MACROH2A2: variants seen among roughly 807,000 people sequenced by gnomAD.
MACROH2A2 encodes core histone macro-H2A.2.
In MACROH2A2, 6 loss-of-function variants were observed where a neutral mutation model predicts 37.6. The ratio of observed to expected loss-of-function variants is 0.16; its 90% CI spans 0.09 to 0.32. The LOEUF (loss-of-function observed/expected upper bound fraction) is 0.32. Among genes scored for constraint, MACROH2A2 ranks in the 10% least tolerant of loss-of-function variants. The probability of loss-of-function intolerance (pLI) is 1.00; values close to 1 mark genes in which losing one functional copy is unlikely to be tolerated. For missense variants in MACROH2A2, 290 were observed against 485.9 expected (o/e 0.60, Z 3.79); for synonymous variants, 192 against 202.7 (o/e 0.95, Z 0.45).
Position 70,111,893 on chromosome 10 carries a change from A to G in MACROH2A2, c.*210A>G. 5.1e-6 allele frequency: 2 copies of G among 391,662 alleles called. No individual in the cohort carries two copies. Among genetic ancestry groups the G allele is most frequent in the East Asian group, 7.5e-5 (2 of 26,708 alleles). The allele number at this position is 391,662 out of a possible 1,614,324, so 24.3% of individuals were successfully genotyped here. On this transcript the variant is annotated 3_prime_UTR_variant, in exon 9 of 9. Transcript: ENST00000373255. ...AGGTCTCCGCGAGGGGTTTCTTTCC[A>G]TGTGTTTTCCTCCTGTTGTTTTAGA... is the stretch of plus-strand genomic sequence containing the variant.
At chr10:70,070,876 G>A (rs1372741565) in intron 1 of MACROH2A2, among the ~76,000 whole-genome samples, 2 of 152,170 alleles carry the variant, frequency 1.3e-5, no homozygotes, top group Non-Finnish European at 2.9e-5. Flanking sequence ...AGGGCAGTTT[G>A]TGACTTCTCT....
chr10:70,091,829 C>T lies in MACROH2A2; in HGVS notation c.352C>T (p.Arg118Ter). The T allele has an allele frequency of 5.0e-6, 8 of 1,613,998 alleles. No homozygotes were observed. Among genetic ancestry groups the T allele is most frequent in the Non-Finnish European group, 6.8e-6 (8 of 1,179,950 alleles). The change falls in exon 4 of 9, where the codon CGA becomes TGA. Residue 118 changes from arginine to a stop codon, truncating the protein, a stop_gained. Transcript: ENST00000373255. LOFTEE classifies it high-confidence loss of function. ...TCACCCCGAACTGCTGGCCAAAAAG[C>T]GAGGGACCAAAGGCAAGTCGGAAAC... Reference protein sequence around the residue: ...RIHPELLAKKRGTKGKSETIL... With the variant: ...RIHPELLAKK
At chr10:70,094,297 G>C (rs1346489447) in intron 5 of MACROH2A2, among the ~76,000 whole-genome samples, 1 of 152,176 alleles carries the variant, frequency 6.6e-6, no homozygotes, top group Non-Finnish European at 1.5e-5. Flanking sequence ...TGAATTATTT[G>C]CCAATAATTC....
rs550582562 is a variant in MACROH2A2, at chr10:70,093,462, G to C, written c.478-273G>C. 2.0e-5 allele frequency among the ~76,000 whole-genome samples: 3 copies of C among 152,350 alleles called. No individual in the cohort carries two copies. In the Middle Eastern group the frequency reaches 0.01, roughly 518 times the overall value. On this transcript the variant is annotated intron_variant, in intron 4 of 8. Coordinates refer to ENST00000373255, the MANE Select transcript of MACROH2A2 (RefSeq NM_018649.3). ...CGTCGTGAGCTGCAGGCATTGAAAT[G>C]AGCAAGGACAATGTGCTGGTGCACA... is the stretch of plus-strand genomic sequence containing the variant.
At chr10:70,109,328 A>T (rs1041970743) in intron 8 of MACROH2A2, 121 bp downstream of exon 8, 9 of 805,618 alleles carry the variant, frequency 1.1e-5, no homozygotes, top group Non-Finnish European at 1.8e-5. Context: ...TATGCTGACC[A>T]GATGACAGGG....
At chr10:70,078,728 G>T (rs1380743322) in intron 2 of MACROH2A2, among the ~76,000 whole-genome samples, 1 of 152,192 alleles carries the variant, frequency 6.6e-6, no homozygotes, top group Non-Finnish European at 1.5e-5. Flanking sequence ...TTCCATTAAG[G>T]TGTTGTATTT....
At chr10:70,080,644 G>C (rs2136628831) in intron 2 of MACROH2A2, among the ~76,000 whole-genome samples, 1 of 151,916 alleles carries the variant, frequency 6.6e-6, no homozygotes, top group African/African-American at 2.4e-5. Flanking sequence ...CACTTTGGGA[G>C]ATCAAGGCGA....
At chr10:70,105,013 G>C (rs1225762542) in intron 7 of MACROH2A2, among the ~76,000 whole-genome samples, 2 of 152,256 alleles carry the variant, frequency 1.3e-5, no homozygotes, top group African/African-American at 4.8e-5. Context: ...TTCAGGTGCA[G>C]AGTCAGTGAG....
intron 4 of MACROH2A2, 50 bp from the exon 5 acceptor site, chr10:70,093,685 A>T: frequency 1.0e-6 from 1 of 997,858 alleles, no homozygotes; most frequent in South Asian, 1.3e-5. Flanking sequence ...AAGGCACCTC[A>T]GGCTTTTTCT....
intron 1 of MACROH2A2, among the ~76,000 whole-genome samples, chr10:70,064,267 G>T (rs1175958179): frequency 6.6e-6 from 1 of 152,170 alleles, no homozygotes; most frequent in Non-Finnish European, 1.5e-5. Flanking sequence ...TACTCAGGAA[G>T]CTGAGGCAGG....
chr10:70,098,452 G>A (rs117198510), intron 6 of MACROH2A2: 3 of 152,060 alleles, frequency 2.0e-5, no homozygotes, highest in Non-Finnish European at 2.9e-5. Context: ...ATTTGATTTC[G>A]GATCCAAATC....
intron 7 of MACROH2A2, 92 bp downstream of exon 7, chr10:70,100,389 T>G (rs916162033): frequency 1.5e-6 from 1 of 684,880 alleles, no homozygotes; most frequent in Non-Finnish European, 2.6e-6. Context: ...ATTCAGCTTA[T>G]GAGTCAAAGT....
chr10:70,090,183 G>C lies in MACROH2A2; in HGVS notation c.279+17G>C, dbSNP rs1312871707. The C allele has an allele frequency of 2.0e-6, 3 of 1,530,832 alleles. No homozygotes were observed. Among genetic ancestry groups the C allele is most frequent in the Non-Finnish European group, 2.7e-6 (3 of 1,104,130 alleles). 94.8% of individuals were successfully genotyped at this position (1,530,832 alleles called of 1,614,324 possible). On this transcript the variant is annotated intron_variant, in intron 3 of 8. Coordinates refer to ENST00000373255, the MANE Select transcript of MACROH2A2 (RefSeq NM_018649.3). ...CTCAACCAGGTATGTCTGAAGCCTTGAGGGAAGCCGTAGAATGGGTTTGCC... is the reference window on the plus strand; with the variant it reads ...CTCAACCAGGTATGTCTGAAGCCTTCAGGGAAGCCGTAGAATGGGTTTGCC...
In MACROH2A2 at chr10:70,091,784, G is replaced by A; in HGVS notation, c.307G>A (p.Gly103Arg). ...GCTAAAAGGAGTGACCATCGCCAGTGGAGGCGTCCTGCCCAGAATTCACCC... is the reference window on the plus strand; with the variant it reads ...GCTAAAAGGAGTGACCATCGCCAGTAGAGGCGTCCTGCCCAGAATTCACCC... ...QLLKGVTIASGGVLPRIHPEL... is the reference protein window; with the variant it reads ...QLLKGVTIASRGVLPRIHPEL... The change falls in exon 4 of 9, where the codon GGA becomes AGA. Residue 103 changes from glycine to arginine, a missense_variant. Physicochemically the swap from Gly to Arg is moderately radical, Grantham distance 125. Around this residue, in one of 3 missense-constraint regions of MACROH2A2, gnomAD observed 83 missense variants for 159.9 expected, o/e 0.52. Transcript: ENST00000373255. 1.2e-6 allele frequency: 2 copies of A among 1,613,962 alleles called. No homozygotes were observed. The highest frequency in any genetic ancestry group is 1.3e-5 in the African/African-American group (1 of 74,986).
chr10:70,106,139 G>GGTGCTTT (rs2072336341), intron 7 of MACROH2A2, among the ~76,000 whole-genome samples: 1 of 152,220 alleles, frequency 6.6e-6, no homozygotes, highest in Non-Finnish European at 1.5e-5. Flanking sequence ...CCCTTTTGCT[G>GGTGCTTT]TGGTGACTCC....
At chr10:70,076,468 A>G (rs1179337332) in intron 2 of MACROH2A2, among the ~76,000 whole-genome samples, 5 of 152,098 alleles carry the variant, frequency 3.3e-5, no homozygotes, top group Admixed American at 3.3e-4. Context: ...TGTGTTCTTT[A>G]TCTTAGTAAC....
intron 8 of MACROH2A2, among the ~76,000 whole-genome samples, chr10:70,111,191 C>T (rs1589843173): frequency 1.3e-5 from 2 of 152,158 alleles, no homozygotes; most frequent in Admixed American, 1.3e-4. Flanking sequence ...ATCGCTTGAA[C>T]CCGGGAGGTG....
At chr10:70,087,923 C>G (rs576887784) in intron 2 of MACROH2A2, among the ~76,000 whole-genome samples, 1 of 152,272 alleles carries the variant, frequency 6.6e-6, no homozygotes, top group East Asian at 1.9e-4. Flanking sequence ...ATCACATGTG[C>G]TTAGTTAATA....
At chr10:70,069,263 G>A (rs955586165) in intron 1 of MACROH2A2, among the ~76,000 whole-genome samples, 4 of 152,144 alleles carry the variant, frequency 2.6e-5, no homozygotes, top group Non-Finnish European at 4.4e-5. Flanking sequence ...CAAGACCAAC[G>A]ATGTGCTTCC....
Sources: allele counts gnomAD v4.1 joint callset (sites outside exome capture counted in the v4.1 genomes callset), GRCh38; gene constraint gnomAD v4.1.1; regional missense constraint gnomAD v4.1.1; transcripts MANE v1.5; gene names NCBI Gene and HGNC (gene_info 2026-07-23, HGNC 2026-07-21).